The following PKP4 variants were observed in gnomAD, a reference collection of about 807,000 sequenced individuals.
The protein encoded by PKP4 is plakophilin-4.
PKP4 carries 90 observed loss-of-function variants against 145.1 expected under a neutral mutation model. That is an observed-to-expected ratio of 0.62 (90% confidence interval 0.52 to 0.74). PKP4 has a LOEUF of 0.74. Among genes scored for constraint, PKP4 ranks in the 30% least tolerant of loss-of-function variants. The pLI is 0.00. For synonymous variants in PKP4, 563 were observed against 577.2 expected (o/e 0.98, Z 0.35); for missense variants, 1,340 against 1,482.7 (o/e 0.90, Z 1.58).
chr2:158,574,354 A>G (rs1203767763), intron 2 of PKP4, among the ~76,000 whole-genome samples: 3 of 152,218 alleles, frequency 2.0e-5, no homozygotes. Flanking sequence ...TGATTTAAGA[A>G]CCATTCTTCA....
At position 158,498,777 on chromosome 2, in the gene PKP4, C is replaced by T. The variant is rs189941931; in HGVS notation, c.-5-34403C>T. On this transcript the variant is annotated intron_variant, in intron 1 of 21. Transcript: ENST00000389759. Reference sequence around the variant, plus strand: ...TCCTGCTCAGTTTGTTCATATAATACTGTTGACCCAGTGCCTGCATTAGGT... The same window carrying T: ...TCCTGCTCAGTTTGTTCATATAATATTGTTGACCCAGTGCCTGCATTAGGT... Among the ~76,000 whole-genome samples, 3 of 151,242 alleles carry T rather than the reference C, an allele frequency of 2.0e-5. No homozygotes were observed. The East Asian group carries it at 5.8e-4, about 29-fold the overall frequency.
At chr2:158,646,561 C>T (rs2054850212) in intron 11 of PKP4, among the ~76,000 whole-genome samples, 1 of 152,172 alleles carries the variant, frequency 6.6e-6, no homozygotes, top group African/African-American at 2.4e-5. Context: ...CCCAGTCCTA[C>T]AATTTAGTGG....
intron 2 of PKP4, among the ~76,000 whole-genome samples, chr2:158,534,700 A>T (rs77296070): frequency 0.053 from 8,004 of 152,248 alleles, 287 homozygotes; most frequent in Middle Eastern, 0.088. Flanking sequence ...AAACATAGCA[A>T]TGGGAATGTC....
intron 15 of PKP4, among the ~76,000 whole-genome samples, chr2:158,664,025 T>A (rs2056852586): frequency 6.6e-6 from 1 of 152,132 alleles, no homozygotes. Flanking sequence ...AAGGCCAAAC[T>A]TCAGGAGCTG....
Position 158,631,936 on chromosome 2 carries a change from G to A in PKP4, c.1337G>A (p.Gly446Asp). 1 of 1,613,362 alleles carries A rather than the reference G, an allele frequency of 6.2e-7. No individual in the cohort carries two copies. Among genetic ancestry groups the A allele is most frequent in the Non-Finnish European group, 8.5e-7 (1 of 1,179,900 alleles). Residue 446 changes from glycine to aspartate, a missense_variant, in exon 8 of 22, where the codon GGT becomes GAT. Transcript: ENST00000389759. ...TCGCAGACGGCGTTGTATCGCACAG[G>A]TTCAGGTGGGCATCAACTCTGTTTA... ...QGSQTALYRTGSVGIGNLQRT... is the reference protein window; with the variant it reads ...QGSQTALYRTDSVGIGNLQRT...
chr2:158,644,631 GT>G (rs1361488456), intron 11 of PKP4, among the ~76,000 whole-genome samples: 1 of 152,176 alleles, frequency 6.6e-6, no homozygotes, highest in African/African-American at 2.4e-5. Flanking sequence ...TAACTACAGA[GT>G]AATACTATTT....
At chr2:158,664,927 G>A (rs534151663) in intron 15 of PKP4, among the ~76,000 whole-genome samples, 3 of 126,434 alleles carry the variant, frequency 2.4e-5, no homozygotes, top group Non-Finnish European at 5.0e-5. Flanking sequence ...TCTGTGACCA[G>A]AGGATCATTT....
intron 4 of PKP4, among the ~76,000 whole-genome samples, chr2:158,612,182 C>T (rs1023344796): frequency 6.6e-6 from 1 of 151,960 alleles, no homozygotes. Flanking sequence ...AGACTGTTAA[C>T]TGTGTTTGTA....
At chr2:158,624,222 A>C (rs1334644319) in intron 6 of PKP4, among the ~76,000 whole-genome samples, 1 of 152,194 alleles carries the variant, frequency 6.6e-6, no homozygotes, top group Non-Finnish European at 1.5e-5. Flanking sequence ...GATCTAAAGG[A>C]ATCAACAAAT....
In PKP4 at chr2:158,673,737, G is replaced by T. The variant is rs2057766303; in HGVS notation, c.2985G>T (p.Arg995=). ...TCTTGAATACATTATGGCAATATCG[G>T]GACCTCCGGAGCATTTATAAAAAGG... is the stretch of plus-strand genomic sequence containing the variant. ...AQVLNTLWQY[R]DLRSIYKKDG... Residue 995 remains arginine, a synonymous_variant, in exon 18 of 22, where the codon CGG becomes CGT. Coordinates refer to ENST00000389759, the MANE Select transcript of PKP4 (RefSeq NM_003628.6). The T allele has an allele frequency of 2.5e-6, 4 of 1,612,502 alleles. No homozygotes were observed. The highest frequency in any genetic ancestry group is 3.4e-6 in the Non-Finnish European group (4 of 1,178,758).
chr2:158,564,093 GATAAT>G (rs1297346460), intron 2 of PKP4, among the ~76,000 whole-genome samples: 7 of 151,760 alleles, frequency 4.6e-5, no homozygotes, highest in Non-Finnish European at 1.0e-4. Context: ...AATTAAAAGA[GATAAT>G]ATAAAAGTGT....
chr2:158,564,972 C>T (rs541229202), intron 2 of PKP4, among the ~76,000 whole-genome samples: 1 of 152,234 alleles, frequency 6.6e-6, no homozygotes, highest in South Asian at 2.1e-4. Flanking sequence ...CTAAATATAA[C>T]CTTTAGCAAC....
intron 2 of PKP4, among the ~76,000 whole-genome samples, chr2:158,554,096 C>T (rs951736780): frequency 2.0e-5 from 3 of 151,952 alleles, no homozygotes; most frequent in Admixed American, 1.3e-4. Context: ...CCTTGCCCCC[C>T]GGTTGTTGCC....
At chr2:158,574,633 TA>T (rs2047690599) in intron 2 of PKP4, among the ~76,000 whole-genome samples, 1 of 152,252 alleles carries the variant, frequency 6.6e-6, no homozygotes, top group African/African-American at 2.4e-5. Context: ...CAAGAAAGCA[TA>T]TTTTTTCTTT....
chr2:158,539,425 C>G (rs980278136), intron 2 of PKP4, among the ~76,000 whole-genome samples: 5 of 152,100 alleles, frequency 3.3e-5, no homozygotes, highest in Non-Finnish European at 1.5e-5. Flanking sequence ...TTGTTTGGCC[C>G]CTATGCTTAT....
chr2:158,474,393 T>C (rs1030654321), intron 1 of PKP4, among the ~76,000 whole-genome samples: 11 of 152,216 alleles, frequency 7.2e-5, no homozygotes, highest in Non-Finnish European at 1.6e-4. Flanking sequence ...CTAGGCTGTG[T>C]TGATTACTGA....
intron 4 of PKP4, among the ~76,000 whole-genome samples, chr2:158,610,920 T>C (rs2051089234): frequency 2.0e-5 from 3 of 152,214 alleles, no homozygotes. Flanking sequence ...AAGCTCATTC[T>C]TTTTAACACT....
intron 12 of PKP4, chr2:158,658,535 C>A (rs1175774474): frequency 4.7e-6 from 2 of 424,200 alleles, no homozygotes; most frequent in Non-Finnish European, 8.2e-6. Flanking sequence ...CTGTGACTTA[C>A]TCAGAAAGGC....
chr2:158,596,572 C>T (rs1291393217), intron 3 of PKP4, among the ~76,000 whole-genome samples: 4 of 150,952 alleles, frequency 2.6e-5, no homozygotes, highest in Non-Finnish European at 4.4e-5. Context: ...GTACCAGGCA[C>T]AGTGGCTCAT....
Sources: gnomAD v4.1 joint callset for allele counts (sites outside exome capture counted in the v4.1 genomes callset) on GRCh38, gnomAD v4.1.1 for gene constraint, MANE v1.5 for transcripts, NCBI Gene and HGNC (gene_info 2026-07-23, HGNC 2026-07-21) for gene names.